PAK5: variants seen among roughly 807,000 people sequenced by gnomAD.
The protein encoded by PAK5 is serine/threonine-protein kinase PAK 5.
In PAK5, 16 loss-of-function variants were observed where a neutral mutation model predicts 65.9. The observed-to-expected ratio is 0.24, with a 90% CI of 0.16 to 0.37. The LOEUF is 0.37. Among genes scored for constraint, PAK5 ranks in the 10% least tolerant of loss-of-function variants. The pLI, the probability that PAK5 is intolerant of heterozygous loss-of-function variation, is 1.00. For missense variants in PAK5, 785 were observed against 903.9 expected (o/e 0.87, Z 1.69); for synonymous variants, 371 against 354.9 (o/e 1.05, Z -0.51).
intron 1 of PAK5, among the ~76,000 whole-genome samples, chr20:9,787,186 A>C (rs6056873): frequency 6.6e-6 from 1 of 152,030 alleles, no homozygotes; most frequent in Non-Finnish European, 1.5e-5. Flanking sequence ...AGAGAAATAA[A>C]GCATAGAGGG....
At chr20:9,716,454 A>G (rs1431558092) in intron 1 of PAK5, among the ~76,000 whole-genome samples, 3 of 152,218 alleles carry the variant, frequency 2.0e-5, no homozygotes, top group Non-Finnish European at 2.9e-5. Flanking sequence ...AGATAATTCA[A>G]TATATTTGAC....
At chr20:9,604,703 T>C (rs2046420145) in intron 3 of PAK5, among the ~76,000 whole-genome samples, 1 of 152,182 alleles carries the variant, frequency 6.6e-6, no homozygotes, top group African/African-American at 2.4e-5. Flanking sequence ...CTTTGTCCCT[T>C]TGCCACCCAC....
chr20:9,543,818 A>G (rs1391798532), intron 8 of PAK5, among the ~76,000 whole-genome samples: 1 of 152,178 alleles, frequency 6.6e-6, no homozygotes, highest in Non-Finnish European at 1.5e-5. Context: ...TTAAAAGATT[A>G]AGAGTGATTG....
chr20:9,599,130 T>C (rs1226816897), intron 3 of PAK5, among the ~76,000 whole-genome samples: 1 of 152,240 alleles, frequency 6.6e-6, no homozygotes. Flanking sequence ...ACTTGTTCTT[T>C]TGTCCCTGGT....
At chr20:9,762,775 A>G (rs142485152) in intron 1 of PAK5, among the ~76,000 whole-genome samples, 362 of 152,298 alleles carry the variant, frequency 2.4e-3, no homozygotes, top group African/African-American at 8.3e-3. Context: ...TATTTATCCC[A>G]AGAAATTCAA....
chr20:9,565,217 A>T (rs1446389365), intron 5 of PAK5, among the ~76,000 whole-genome samples: 1 of 152,112 alleles, frequency 6.6e-6, no homozygotes, highest in Admixed American at 6.5e-5. Flanking sequence ...ATATATAATT[A>T]TCTCAAACAA....
At chr20:9,558,678 T>C (rs1005281207) in intron 6 of PAK5, among the ~76,000 whole-genome samples, 19 of 152,180 alleles carry the variant, frequency 1.2e-4, no homozygotes, top group African/African-American at 4.1e-4. Context: ...CCCTCTCTCT[T>C]CTTCCTCCAA....
Position 9,766,658 on chromosome 20 carries a change from A to G in PAK5, c.-161-55223T>C, listed in dbSNP as rs539739394. On this transcript the variant is annotated intron_variant, in intron 1 of 9. Transcript: ENST00000353224. ...AATGAGTAAAAGAAGCCAACATGAGACAGTACATAGTGTGAAGTTCCATTT... is the reference window on the plus strand; with the variant it reads ...AATGAGTAAAAGAAGCCAACATGAGGCAGTACATAGTGTGAAGTTCCATTT... 8.7e-4 allele frequency among the ~76,000 whole-genome samples: 131 copies of G among 151,342 alleles called. 2 individuals are homozygous for G. In the South Asian group the frequency reaches 0.019, roughly 22 times the overall value.
At chr20:9,729,102 G>A (rs2048307360) in intron 1 of PAK5, among the ~76,000 whole-genome samples, 1 of 152,040 alleles carries the variant, frequency 6.6e-6, no homozygotes, top group Admixed American at 6.6e-5. Flanking sequence ...GGGCATGGTG[G>A]TGGGCACCTG....
intron 2 of PAK5, among the ~76,000 whole-genome samples, chr20:9,651,099 G>A (rs1375682144): frequency 1.3e-5 from 2 of 152,152 alleles, no homozygotes; most frequent in Non-Finnish European, 2.9e-5. Context: ...CTGGTTGAAA[G>A]CAGGGACCCG....
intron 1 of PAK5, among the ~76,000 whole-genome samples, chr20:9,712,305 G>A (rs1277279371): frequency 6.6e-5 from 10 of 152,084 alleles, no homozygotes; most frequent in African/African-American, 2.4e-4. Flanking sequence ...CTTGTTTATA[G>A]TTCAGCATAT....
chr20:9,676,645 T>A (rs967461380), intron 2 of PAK5, among the ~76,000 whole-genome samples: 1 of 152,242 alleles, frequency 6.6e-6, no homozygotes, highest in East Asian at 1.9e-4. Flanking sequence ...TTTCTCAATA[T>A]GAAAATAAAG....
chr20:9,807,314 C>A (rs1293925849), intron 1 of PAK5, among the ~76,000 whole-genome samples: 1 of 152,120 alleles, frequency 6.6e-6, no homozygotes, highest in Non-Finnish European at 1.5e-5. Flanking sequence ...AAATGCCATG[C>A]CATTTGTCAT....
chr20:9,571,887 T>TG (rs1603220194), intron 4 of PAK5, among the ~76,000 whole-genome samples: 2 of 49,776 alleles, frequency 4.0e-5, no homozygotes, highest in Non-Finnish European at 7.9e-5. Flanking sequence ...GGGGGGGGGA[T>TG]GTGGTCTTAA....
chr20:9,598,604 C>G (rs1321530905), intron 3 of PAK5, among the ~76,000 whole-genome samples: 1 of 152,220 alleles, frequency 6.6e-6, no homozygotes, highest in African/African-American at 2.4e-5. Context: ...TATTTCTCCA[C>G]AGCCTTGCCA....
intron 1 of PAK5, among the ~76,000 whole-genome samples, chr20:9,713,551 A>C (rs2048104180): frequency 6.6e-6 from 1 of 152,138 alleles, no homozygotes; most frequent in Non-Finnish European, 1.5e-5. Context: ...TATTGAATAG[A>C]TATCTCCACA....
At chr20:9,601,105 T>C (rs560912650) in intron 3 of PAK5, among the ~76,000 whole-genome samples, 6 of 152,272 alleles carry the variant, frequency 3.9e-5, no homozygotes, top group African/African-American at 7.2e-5. Flanking sequence ...TAGAGGTGTA[T>C]ATTGTACAAG....
intron 1 of PAK5, among the ~76,000 whole-genome samples, chr20:9,728,122 T>C (rs1436605407): frequency 2.6e-5 from 4 of 152,122 alleles, no homozygotes; most frequent in Non-Finnish European, 4.4e-5. Context: ...GGCCCTGCCC[T>C]CATGGACAGG....
At chr20:9,658,659 A>T (rs1298508818) in intron 2 of PAK5, among the ~76,000 whole-genome samples, 2 of 152,198 alleles carry the variant, frequency 1.3e-5, no homozygotes, top group Non-Finnish European at 2.9e-5. Context: ...TAACAGTGGC[A>T]TGCTTCTAAG....
Sources: gnomAD v4.1 joint callset for allele counts (sites outside exome capture counted in the v4.1 genomes callset) on GRCh38, gnomAD v4.1.1 for gene constraint, MANE v1.5 for transcripts, NCBI Gene and HGNC (gene_info 2026-07-23, HGNC 2026-07-21) for gene names.